SMURF1: variants seen among roughly 807,000 people sequenced by gnomAD.
The protein encoded by SMURF1 is SMAD specific E3 ubiquitin protein ligase 1.
Under a neutral mutation model 98.0 loss-of-function variants are expected in SMURF1, and 44 were observed. The ratio of observed to expected loss-of-function variants is 0.45; its 90% CI spans 0.35 to 0.58. The LOEUF is 0.58. SMURF1 is among the 20% of genes least tolerant of loss of function. SMURF1 has a pLI of 0.00. For synonymous variants in SMURF1, 396 were observed against 374.9 expected (o/e 1.06, Z -0.65); for missense variants, 687 against 938.4 (o/e 0.73, Z 3.50).
chr7:99,036,876 G>T (rs1407913826), intron 15 of SMURF1, among the ~76,000 whole-genome samples, 191 bp downstream of exon 15: 1 of 152,108 alleles, frequency 6.6e-6, no homozygotes, highest in Non-Finnish European at 1.5e-5. Flanking sequence ...CAGACATCTC[G>T]CCGGTTACTA....
At chr7:99,102,700 G>C (rs1015250551) in intron 1 of SMURF1, among the ~76,000 whole-genome samples, 6 of 152,108 alleles carry the variant, frequency 3.9e-5, no homozygotes, top group Non-Finnish European at 8.8e-5. Flanking sequence ...TAAATAAGTG[G>C]CTCTTTCAAT....
At chr7:99,076,760 A>G (rs1563018492) in intron 1 of SMURF1, among the ~76,000 whole-genome samples, 1 of 152,182 alleles carries the variant, frequency 6.6e-6, no homozygotes, top group Admixed American at 6.5e-5. Flanking sequence ...TTAATTGGGG[A>G]ATCTGGACGT....
At chr7:99,056,282 C>CT (rs531685942) in intron 5 of SMURF1, among the ~76,000 whole-genome samples, 111 of 146,238 alleles carry the variant, frequency 7.6e-4, no homozygotes, top group African/African-American at 1.3e-3. Flanking sequence ...GCAGAGAGAC[C>CT]TTTTTTTTTT....
Position 99,040,470 on chromosome 7 carries a change from C to T in SMURF1, c.1458G>A (p.Val486=), listed in dbSNP as rs1795333908. The T allele has an allele frequency of 6.3e-7, 1 of 1,590,870 alleles. No homozygotes were observed. The highest frequency in any genetic ancestry group is 8.6e-7 in the Non-Finnish European group (1 of 1,168,502). ...HGHYINGGFT[V]PFYKQLLGKP... ...TCCCCAGCAGCTGCTTGTAGAAGGG[C>T]ACTGTGAAGCCCCCGTTGATGTAGT... is the stretch of plus-strand genomic sequence containing the variant. Residue 486 remains valine (V), a synonymous_variant, in exon 13 of 18, where the codon GTG becomes GTA. Transcript: ENST00000361368.
intron 1 of SMURF1, among the ~76,000 whole-genome samples, chr7:99,118,969 T>C (rs1266561807): frequency 7.1e-6 from 1 of 141,226 alleles, no homozygotes; most frequent in Non-Finnish European, 1.5e-5. Context: ...CAAGCGATCG[T>C]CCCATCTCAG....
At chr7:99,076,563 C>G (rs961252725) in intron 1 of SMURF1, among the ~76,000 whole-genome samples, 4 of 152,204 alleles carry the variant, frequency 2.6e-5, no homozygotes, top group African/African-American at 9.6e-5. Context: ...AAGAAACTGT[C>G]ACAGCCAAGA....
At chr7:99,103,485 A>G (rs1186279143) in intron 1 of SMURF1, among the ~76,000 whole-genome samples, 1 of 152,244 alleles carries the variant, frequency 6.6e-6, no homozygotes, top group African/African-American at 2.4e-5. Flanking sequence ...CAGGAATCTG[A>G]TGGACATATT....
intron 1 of SMURF1, among the ~76,000 whole-genome samples, chr7:99,110,009 A>C (rs896591566): frequency 1.3e-5 from 2 of 152,204 alleles, no homozygotes; most frequent in East Asian, 3.8e-4. Flanking sequence ...ATGACTCAAC[A>C]GAATAAGAAA....
chr7:99,098,000 C>A (rs1584176175), intron 1 of SMURF1, among the ~76,000 whole-genome samples: 1 of 145,986 alleles, frequency 6.8e-6, no homozygotes, highest in Admixed American at 6.7e-5. Context: ...AAATGAAGAT[C>A]TTTTTCAACA....
chr7:99,091,432 G>T (rs1203629071), intron 1 of SMURF1, among the ~76,000 whole-genome samples: 1 of 152,132 alleles, frequency 6.6e-6, no homozygotes, highest in Admixed American at 6.5e-5. Context: ...AAAATGATAG[G>T]AAACTTACAT....
At chr7:99,041,287 A>G (rs1206646726) in intron 12 of SMURF1, among the ~76,000 whole-genome samples, 1 of 152,172 alleles carries the variant, frequency 6.6e-6, no homozygotes, top group Non-Finnish European at 1.5e-5. Flanking sequence ...CTGTGATCCC[A>G]GCTACTCGGG....
chr7:99,068,340 G>C (rs565940750), intron 1 of SMURF1, among the ~76,000 whole-genome samples: 1 of 152,182 alleles, frequency 6.6e-6, no homozygotes, highest in South Asian at 2.1e-4. Flanking sequence ...GCCCAGTCTA[G>C]AGTGCAGGGG....
intron 16 of SMURF1, 145 bp downstream of exon 16, chr7:99,035,370 G>A: frequency 9.7e-7 from 1 of 1,032,840 alleles, no homozygotes; most frequent in Non-Finnish European, 1.4e-6. Context: ...CACCTCTGTA[G>A]GGCAGAGCAT....
intron 1 of SMURF1, among the ~76,000 whole-genome samples, chr7:99,084,831 TA>T (rs535701574): frequency 1.3e-5 from 2 of 152,320 alleles, no homozygotes; most frequent in East Asian, 3.9e-4. Flanking sequence ...TGTCAAATTG[TA>T]ATCCCCAGTG....
chr7:99,086,367 A>G (rs1008232296), intron 1 of SMURF1, among the ~76,000 whole-genome samples: 2 of 151,044 alleles, frequency 1.3e-5, no homozygotes, highest in African/African-American at 4.8e-5. Flanking sequence ...AAAGAAAGAA[A>G]GAAATACCAC....
intron 1 of SMURF1, among the ~76,000 whole-genome samples, chr7:99,094,822 T>C (rs1796909043): frequency 6.6e-6 from 1 of 152,178 alleles, no homozygotes; most frequent in Admixed American, 6.5e-5. Flanking sequence ...GACTAAAAGT[T>C]TCATGCAAAA....
Position 99,030,627 on chromosome 7 carries a change from A to G in SMURF1, c.2153T>C (p.Leu718Pro), listed in dbSNP as rs776311262. The change falls in exon 18 of 18, where the codon CTG (leucine) becomes CCG (proline). Residue 718 changes from leucine (L) to proline (P), a missense_variant. Around this residue, in one of 2 missense-constraint regions of SMURF1, gnomAD observed 272 missense variants for 430.0 expected, o/e 0.63. Transcript: ENST00000361368. ...GCAGGTCTCCTCCACGGCTGTCAGC[A>G]GCTTCTCGTAGAGCTTCTCATAGGA... ...YESYEKLYEK[L>P]LTAVEETCGF... is the part of the protein sequence containing the mutation. The G allele has an allele frequency of 1.9e-6, 3 of 1,614,176 alleles. No homozygotes were observed. Among genetic ancestry groups the G allele is most frequent in the Non-Finnish European group, 2.5e-6 (3 of 1,180,036 alleles).
intron 1 of SMURF1, among the ~76,000 whole-genome samples, chr7:99,077,594 A>G (rs1409836614): frequency 6.6e-6 from 1 of 152,068 alleles, no homozygotes; most frequent in Non-Finnish European, 1.5e-5. Context: ...AGCCTCCCAA[A>G]GTGCTGGGAT....
At chr7:99,063,215 G>A (rs904400322) in intron 1 of SMURF1, among the ~76,000 whole-genome samples, 1 of 93,846 alleles carries the variant, frequency 1.1e-5, no homozygotes, top group East Asian at 3.4e-4. Context: ...ATATAGTCAA[G>A]ATATATATAT....
Sources: gnomAD v4.1 joint callset for allele counts (sites outside exome capture counted in the v4.1 genomes callset) on GRCh38, gnomAD v4.1.1 for gene constraint, gnomAD v4.1.1 regional missense constraint, MANE v1.5 for transcripts, NCBI Gene and HGNC (gene_info 2026-07-23, HGNC 2026-07-21) for gene names.